GRM5: variants seen among roughly 807,000 people sequenced by gnomAD.
The protein encoded by GRM5 is glutamate metabotropic receptor 5.
GRM5 carries 19 observed loss-of-function variants against 83.1 expected under a neutral mutation model. The ratio of observed to expected loss-of-function variants is 0.23; its 90% CI spans 0.16 to 0.34. GRM5 has a LOEUF of 0.34. Ranked by LOEUF, GRM5 falls within the 10% of genes least tolerant of loss-of-function variation. The probability of loss-of-function intolerance (pLI) is 1.00; values close to 1 mark genes in which losing one functional copy is unlikely to be tolerated. For missense variants in GRM5, 1,160 were observed against 1,588.3 expected (o/e 0.73, Z 4.58); for synonymous variants, 675 against 633.6 (o/e 1.07, Z -0.98).
At chr11:88,664,646 C>T (rs1046799436) in intron 3 of GRM5, among the ~76,000 whole-genome samples, 1 of 151,962 alleles carries the variant, frequency 6.6e-6, no homozygotes, top group Non-Finnish European at 1.5e-5. Context: ...GGGGTTTCAC[C>T]ATGTTGGCCA....
At chr11:88,805,481 C>T (rs749442265) in intron 3 of GRM5, among the ~76,000 whole-genome samples, 7 of 152,140 alleles carry the variant, frequency 4.6e-5, no homozygotes, top group African/African-American at 1.4e-4. Flanking sequence ...TGAGCCACCA[C>T]GCACGGCCCG....
chr11:88,510,256 TAGC>T (rs766253995), intron 9 of GRM5, among the ~76,000 whole-genome samples: 3 of 152,280 alleles, frequency 2.0e-5, no homozygotes, highest in Non-Finnish European at 2.9e-5. Context: ...CTTCGGCACT[TAGC>T]AGAGTGATCT....
intron 2 of GRM5, among the ~76,000 whole-genome samples, chr11:88,949,278 T>C (rs911451633): frequency 2.0e-5 from 3 of 152,374 alleles, no homozygotes; most frequent in East Asian, 1.9e-4. Context: ...TGTGCTCTTC[T>C]ACTTTTGTGC....
chr11:88,730,598 G>A (rs1281692728), intron 3 of GRM5, among the ~76,000 whole-genome samples: 1 of 152,076 alleles, frequency 6.6e-6, no homozygotes, highest in African/African-American at 2.4e-5. Flanking sequence ...GTTCATAATA[G>A]CAAAGACTTG....
intron 3 of GRM5, among the ~76,000 whole-genome samples, chr11:88,696,327 G>A (rs1170172591): frequency 6.6e-6 from 1 of 151,998 alleles, no homozygotes; most frequent in African/African-American, 2.4e-5. Flanking sequence ...GTGTTTTATG[G>A]GCACAGAATG....
At chr11:88,733,426 A>T (rs1385430605) in intron 3 of GRM5, among the ~76,000 whole-genome samples, 1 of 152,020 alleles carries the variant, frequency 6.6e-6, no homozygotes. Context: ...GTGAAATCAA[A>T]TACTTCTCAG....
At chr11:88,957,291 G>A (rs1354324692) in intron 2 of GRM5, among the ~76,000 whole-genome samples, 4 of 152,292 alleles carry the variant, frequency 2.6e-5, no homozygotes, top group Admixed American at 1.3e-4. Context: ...AGCAGAAGGC[G>A]GATGGAGAAG....
intron 9 of GRM5, among the ~76,000 whole-genome samples, chr11:88,516,549 A>G (rs980562026): frequency 1.3e-5 from 2 of 152,196 alleles, no homozygotes; most frequent in African/African-American, 4.8e-5. Flanking sequence ...ATTCCTGTTT[A>G]GGCAAAAGAC....
At position 88,637,899 on chromosome 11, in the gene GRM5, C is replaced by A. The variant is rs1394679755; in HGVS notation, c.1147+15269G>T. Among the ~76,000 whole-genome samples, 5 of 150,722 alleles carry A rather than the reference C, an allele frequency of 3.3e-5. No individual in the cohort carries two copies. In the East Asian group the frequency reaches 9.8e-4, roughly 29 times the overall value. On this transcript the variant is annotated intron_variant, in intron 4 of 9. Transcript: ENST00000305447. ...TATTCACAATAGCAAAGACTTGGAACCAACCCAAATGTCCAACAATGATAG... is the reference window on the plus strand; with the variant it reads ...TATTCACAATAGCAAAGACTTGGAAACAACCCAAATGTCCAACAATGATAG...
At chr11:88,833,348 A>G (rs948557265) in intron 3 of GRM5, among the ~76,000 whole-genome samples, 2 of 152,272 alleles carry the variant, frequency 1.3e-5, no homozygotes, top group East Asian at 3.9e-4. Flanking sequence ...ACATTTCTCA[A>G]AGACGTATAA....
At chr11:88,581,288 G>T (rs189720426) in intron 7 of GRM5, among the ~76,000 whole-genome samples, 1 of 152,180 alleles carries the variant, frequency 6.6e-6, no homozygotes, top group East Asian at 1.9e-4. Context: ...AACAGTTAAT[G>T]CATACGAAAC....
At chr11:89,039,356 T>G (rs1211487168) in intron 2 of GRM5, among the ~76,000 whole-genome samples, 1 of 151,940 alleles carries the variant, frequency 6.6e-6, no homozygotes, top group Non-Finnish European at 1.5e-5. Flanking sequence ...TTGTCAACAT[T>G]GGGAATTATC....
At chr11:88,690,665 A>G (rs1195771899) in intron 3 of GRM5, among the ~76,000 whole-genome samples, 1 of 152,170 alleles carries the variant, frequency 6.6e-6, no homozygotes, top group African/African-American at 2.4e-5. Flanking sequence ...AATGAATGAC[A>G]AGGTCCCTCC....
At chr11:88,610,443 C>A (rs1244304559) in intron 4 of GRM5, among the ~76,000 whole-genome samples, 2 of 152,004 alleles carry the variant, frequency 1.3e-5, no homozygotes. Context: ...CCTTGGTAAA[C>A]TGTATTCCTA....
chr11:88,994,369 G>T (rs1421831204), intron 2 of GRM5, among the ~76,000 whole-genome samples: 1 of 150,816 alleles, frequency 6.6e-6, no homozygotes, highest in Non-Finnish European at 1.5e-5. Flanking sequence ...TTCACAAAAA[G>T]AGAGAAAGTA....
chr11:89,064,464 C>T (rs1405991493), intron 1 of GRM5, among the ~76,000 whole-genome samples: 1 of 152,108 alleles, frequency 6.6e-6, no homozygotes, highest in African/African-American at 2.4e-5. Flanking sequence ...CATGCATTAT[C>T]CCAACAGCAC....
intron 3 of GRM5, among the ~76,000 whole-genome samples, chr11:88,811,900 C>G (rs1039340411): frequency 6.6e-6 from 1 of 152,034 alleles, no homozygotes; most frequent in Non-Finnish European, 1.5e-5. Flanking sequence ...TCAGTGATAA[C>G]AGCCAGAAAT....
At chr11:88,562,639 C>T (rs1942783935) in intron 8 of GRM5, among the ~76,000 whole-genome samples, 1 of 151,734 alleles carries the variant, frequency 6.6e-6, no homozygotes, top group South Asian at 2.1e-4. Flanking sequence ...TACTTCTTTC[C>T]TCTTCTTTGC....
intron 2 of GRM5, among the ~76,000 whole-genome samples, chr11:88,987,460 C>A (rs965348854): frequency 1.2e-4 from 19 of 152,036 alleles, no homozygotes; most frequent in Middle Eastern, 3.4e-3. Flanking sequence ...CCCAGGCTTG[C>A]TTAGGTAAAC....
Sources: gnomAD v4.1 joint callset for allele counts (sites outside exome capture counted in the v4.1 genomes callset) on GRCh38, gnomAD v4.1.1 for gene constraint, MANE v1.5 for transcripts, NCBI Gene and HGNC (gene_info 2026-07-23, HGNC 2026-07-21) for gene names.